ZHX3: variants seen among roughly 807,000 people sequenced by gnomAD.
ZHX3 encodes zinc fingers and homeoboxes protein 3.
Under a neutral mutation model 64.5 loss-of-function variants are expected in ZHX3, and 20 were observed. The observed-to-expected ratio is 0.31, with a 90% CI of 0.22 to 0.45. The LOEUF is 0.45. Ranked by LOEUF, ZHX3 falls within the 20% of genes least tolerant of loss-of-function variation. The pLI is 1.00. For synonymous variants in ZHX3, 423 were observed against 461.6 expected (o/e 0.92, Z 1.07); for missense variants, 1,041 against 1,195.8 (o/e 0.87, Z 1.91).
intron 2 of ZHX3, among the ~76,000 whole-genome samples, chr20:41,216,244 ATTTAG>A (rs1351906501): frequency 6.6e-6 from 1 of 152,208 alleles, no homozygotes; most frequent in African/African-American, 2.4e-5. Context: ...GCATTCCACT[ATTTAG>A]TGCTAGCAAC....
chr20:41,244,735 A>G (rs1300145980), intron 2 of ZHX3, among the ~76,000 whole-genome samples: 1 of 152,200 alleles, frequency 6.6e-6, no homozygotes, highest in East Asian at 1.9e-4. Context: ...CTAATAGAAT[A>G]GTCATAATGA....
At position 41,182,206 on chromosome 20, in the gene ZHX3, ACAT is replaced by A. The variant is rs1478653093; in HGVS notation, c.*2982_*2984del. ...CATGTAAAAAACAAATGGGTACAAG[ACAT>A]CAGCAACAAAAAAACACTAAAAGAT... On this transcript the variant is annotated 3_prime_UTR_variant, in exon 4 of 4. Coordinates refer to ENST00000683867, the MANE Select transcript of ZHX3 (RefSeq NM_001384317.1). This position sits in a 1 kb window ranked among gnomAD's most constrained non-coding sequence, Gnocchi z 6.1. The A allele has an allele frequency of 1.3e-5, 2 of 152,224 alleles. No homozygotes were observed. The highest frequency in any genetic ancestry group is 1.5e-5 in the Non-Finnish European group (1 of 68,032). 9.4% of individuals were successfully genotyped at this position (152,224 alleles called of 1,614,324 possible). A position where few individuals can be genotyped will look rare whatever the true frequency, so the allele number is the denominator to read the frequency against.
chr20:41,227,710 A>G (rs992503795), intron 2 of ZHX3, among the ~76,000 whole-genome samples: 14 of 152,140 alleles, frequency 9.2e-5, no homozygotes, highest in African/African-American at 3.4e-4. Flanking sequence ...AATTTGGTAA[A>G]AGTTCTATTT....
chr20:41,203,699 G>C lies in ZHX3; in HGVS notation c.1218C>G (p.Ile406Met). 1 of 1,614,186 alleles carries C rather than the reference G, an allele frequency of 6.2e-7. No homozygotes were observed. The highest frequency in any genetic ancestry group is 8.5e-7 in the Non-Finnish European group (1 of 1,180,028). ...CAACGTGACCTGGAAGAGCGGCCTG[G>C]ATGAGATGCTGGACATTGCCAGCAC... Reference protein sequence around the residue: ...VASAGNVQHLIQAALPGHVVG... With the variant: ...VASAGNVQHLMQAALPGHVVG... The change falls in exon 3 of 4, where the codon ATC becomes ATG. Residue 406 changes from isoleucine to methionine, a missense_variant. Ile to Met is a conservative substitution (Grantham distance 10). Around this residue, in one of 4 missense-constraint regions of ZHX3, gnomAD observed 649 missense variants for 739.8 expected, o/e 0.88. Coordinates refer to ENST00000683867, the MANE Select transcript of ZHX3 (RefSeq NM_001384317.1). This position sits in a 1 kb window ranked among gnomAD's most constrained non-coding sequence, Gnocchi z 7.1.
intron 1 of ZHX3, among the ~76,000 whole-genome samples, chr20:41,288,686 CTT>C (rs982822246): frequency 3.3e-5 from 5 of 152,198 alleles, no homozygotes; most frequent in African/African-American, 1.2e-4. Flanking sequence ...AACTACCACT[CTT>C]GTCTTATAAC....
At chr20:41,192,560 G>A (rs1018593833) in intron 3 of ZHX3, among the ~76,000 whole-genome samples, 1 of 152,208 alleles carries the variant, frequency 6.6e-6, no homozygotes, top group Non-Finnish European at 1.5e-5. Context: ...TATGGTAGCT[G>A]GCACCATAGT....
chr20:41,254,491 C>T (rs1360442799), intron 2 of ZHX3: 1 of 152,160 alleles, frequency 6.6e-6, no homozygotes, highest in Non-Finnish European at 1.5e-5. Flanking sequence ...CAATAAGGAG[C>T]ATGGGCATCA....
In ZHX3 at chr20:41,195,352, G is replaced by C. The variant is rs769531691; in HGVS notation, c.2860+6705C>G. ...GCAGGTCTCAAACTCCTGGCCTCAA[G>C]TGATCCTCCTGCCTTGGCCTCCCAA... On this transcript the variant is annotated intron_variant, in intron 3 of 3. Coordinates refer to ENST00000683867, the MANE Select transcript of ZHX3 (RefSeq NM_001384317.1). This position sits in a 1 kb window ranked among gnomAD's most constrained non-coding sequence, Gnocchi z 4.2. 6.6e-6 allele frequency among the ~76,000 whole-genome samples: 1 copy of C among 152,194 alleles called. No individual in the cohort carries two copies. Among genetic ancestry groups the C allele is most frequent in the Non-Finnish European group, 1.5e-5 (1 of 68,030 alleles).
chr20:41,316,092 T>C (rs1163654330), intron 1 of ZHX3, among the ~76,000 whole-genome samples: 1 of 151,956 alleles, frequency 6.6e-6, no homozygotes. Flanking sequence ...ACACTTCCCA[T>C]GCAATGTTTG....
chr20:41,303,245 A>C (rs1600673079), intron 1 of ZHX3, among the ~76,000 whole-genome samples: 1 of 152,250 alleles, frequency 6.6e-6, no homozygotes, highest in African/African-American at 2.4e-5. Flanking sequence ...TCTCAAAGCC[A>C]CATTCTAGTG....
chr20:41,234,863 A>G (rs963343927), intron 2 of ZHX3, among the ~76,000 whole-genome samples: 13 of 152,218 alleles, frequency 8.5e-5, no homozygotes, highest in Non-Finnish European at 1.9e-4. Context: ...TGGGGAGCTC[A>G]GTAAGCCTTT....
intron 2 of ZHX3, among the ~76,000 whole-genome samples, chr20:41,254,826 G>A (rs2042155693): frequency 6.6e-6 from 1 of 152,166 alleles, no homozygotes; most frequent in Non-Finnish European, 1.5e-5. Context: ...CTAAGTCCCT[G>A]ACCCCTCAAG....
At chr20:41,309,521 T>A (rs1297526748) in intron 1 of ZHX3, among the ~76,000 whole-genome samples, 3 of 152,226 alleles carry the variant, frequency 2.0e-5, no homozygotes, top group Non-Finnish European at 4.4e-5. Flanking sequence ...CAATACTACA[T>A]GCCTCTAGTG....
chr20:41,263,395 A>AT lies in ZHX3; in HGVS notation c.-151+5594dup, dbSNP rs11479971. 1.1e-3 allele frequency among the ~76,000 whole-genome samples: 153 copies of AT among 140,270 alleles called. 2 individuals carry two copies. The highest frequency in any genetic ancestry group is 2.3e-3 in the South Asian group (10 of 4,416). 92.0% of individuals were successfully genotyped at this position (140,270 alleles called of 152,430 possible). A position where few individuals can be genotyped will look rare whatever the true frequency, so the allele number is the denominator to read the frequency against. On this transcript the variant is annotated intron_variant, in intron 2 of 3. Coordinates refer to ENST00000683867, the MANE Select transcript of ZHX3 (RefSeq NM_001384317.1). ...AGAAACAAACAGAAGCATTAGAGGA[A>AT]TTTTTTTTTTTTTTTTTGAGATGGA...
rs1555826839 is a variant in ZHX3, at chr20:41,196,515, T to TTATATATTATAAATATATAA, written c.2860+5541_2860+5542insTTATATATTTATAATATATA. On this transcript the variant is annotated intron_variant, in intron 3 of 3. Transcript: ENST00000683867. ...ATATATTATATATTATAAATATATATTATATATTATATATTATATAAATAT... is the reference window on the plus strand; with the variant it reads ...ATATATTATATATTATAAATATATATTATATATTATAAATATATAATATATATTATATATTATATAAATAT... The TTATATATTATAAATATATAA allele has an allele frequency of 3.9e-3, 40 of 10,316 alleles. 2 individuals carry two copies. Among genetic ancestry groups the TTATATATTATAAATATATAA allele is most frequent in the African/African-American group, 0.011 (38 of 3,574 alleles). The allele number at this position is 10,316 out of a possible 1,614,324, so 0.6% of individuals were successfully genotyped here. A position where few individuals can be genotyped will look rare whatever the true frequency, so the allele number is the denominator to read the frequency against.
intron 1 of ZHX3, among the ~76,000 whole-genome samples, chr20:41,282,579 C>T (rs538334708): frequency 6.6e-6 from 1 of 152,136 alleles, no homozygotes; most frequent in East Asian, 1.9e-4. Flanking sequence ...GGGCTGTTCT[C>T]GAACTCCTGA....
chr20:41,301,881 C>T (rs903652301), intron 1 of ZHX3, among the ~76,000 whole-genome samples: 3 of 151,344 alleles, frequency 2.0e-5, no homozygotes, highest in African/African-American at 7.3e-5. Flanking sequence ...GGTGAAACCC[C>T]GTCTCTACTA....
chr20:41,229,807 ACC>A (rs1028391553), intron 2 of ZHX3, among the ~76,000 whole-genome samples: 53 of 152,174 alleles, frequency 3.5e-4, no homozygotes, highest in African/African-American at 1.2e-3. Context: ...TCTAGATATT[ACC>A]CCTTTATTAG....
intron 2 of ZHX3, among the ~76,000 whole-genome samples, chr20:41,227,965 A>C (rs1167924592): frequency 6.6e-6 from 1 of 151,820 alleles, no homozygotes; most frequent in East Asian, 1.9e-4. Flanking sequence ...CACTTATTCA[A>C]CTTCCTTGCT....
Sources: gnomAD v4.1 joint callset for allele counts (sites outside exome capture counted in the v4.1 genomes callset) on GRCh38, gnomAD v4.1.1 for gene constraint, gnomAD v4.1.1 regional missense constraint, Gnocchi (gnomAD v3.1) non-coding constraint, MANE v1.5 for transcripts, NCBI Gene and HGNC (gene_info 2026-07-23, HGNC 2026-07-21) for gene names.